Variants in FBXW10 observed in about 807,000 individuals in gnomAD.
FBXW10 encodes the protein F-box and WD repeat domain containing 10, also known as F-box/WD repeat-containing protein 10.
In FBXW10, 68 loss-of-function variants were observed where a neutral mutation model predicts 113.1. The ratio of observed to expected loss-of-function variants is 0.60; its 90% CI spans 0.49 to 0.74. The LOEUF is 0.74. Among genes scored for constraint, FBXW10 ranks in the 30% least tolerant of loss-of-function variants. FBXW10 has a pLI of 0.00. For missense variants in FBXW10, 753 were observed against 1,284.5 expected (o/e 0.59, Z 6.32); for synonymous variants, 289 against 481.6 (o/e 0.60, Z 5.24).
At position 18,766,748 on chromosome 17, in the gene FBXW10, G is replaced by T; in HGVS notation, c.1590G>T (p.Thr530=). The change falls in exon 9 of 14, where the codon ACG becomes ACT. Residue 530 remains threonine, a synonymous_variant. Transcript: ENST00000395665. ...WDVDTGKCLK[T]FRHKDPILAT... ...TAGACACAGGGAAGTGCCTGAAGAC[G>T]TTTAGACACAAAGACCCCATCTTGG... The T allele has an allele frequency of 6.2e-7, 1 of 1,613,570 alleles. No individual in the cohort carries two copies. Among genetic ancestry groups the T allele is most frequent in the Non-Finnish European group, 8.5e-7 (1 of 1,179,644 alleles).
Position 18,748,005 on chromosome 17 carries a change from G to C in FBXW10, c.570G>C (p.Ala190=), listed in dbSNP as rs564583174. 3 of 1,613,738 alleles carry C rather than the reference G, an allele frequency of 1.9e-6. No homozygotes were observed. The East Asian group carries it at 6.7e-5, about 36-fold the overall frequency. ...SPEKDHSSKS[A]TSQVYWTAKT... is the part of the protein sequence containing the mutation. ...AGAAAGACCACAGCTCCAAGTCTGC[G>C]ACCTCACAAGTCTATTGGACAGCCA... The change falls in exon 2 of 14, where the codon GCG becomes GCC. Residue 190 remains alanine, a synonymous_variant. Transcript: ENST00000395665.
chr17:18,766,446 A>G (rs7216988), intron 8 of FBXW10, among the ~76,000 whole-genome samples: 2,244 of 152,224 alleles, frequency 0.015, 61 homozygotes, highest in African/African-American at 0.05. Context: ...TTGGGCCTCA[A>G]GGCTAAGTTC....
chr17:18,759,693 A>G (rs1415937017), intron 7 of FBXW10, among the ~76,000 whole-genome samples: 8 of 152,078 alleles, frequency 5.3e-5, no homozygotes, highest in African/African-American at 1.7e-4. Flanking sequence ...GCTCACTGCA[A>G]GCTCCACCTC....
chr17:18,746,175 T>G (rs71367484), intron 1 of FBXW10, among the ~76,000 whole-genome samples: 1 of 152,202 alleles, frequency 6.6e-6, no homozygotes, highest in Non-Finnish European at 1.5e-5. Context: ...GGCACCAAGC[T>G]ATTCATGAGG....
At chr17:18,752,712 C>CA (rs113012809) in intron 5 of FBXW10, among the ~76,000 whole-genome samples, 5,808 of 90,956 alleles carry the variant, frequency 0.064, 368 homozygotes, top group African/African-American at 0.19. Context: ...GATTCCATCT[C>CA]AAAAAAAAAA....
intron 7 of FBXW10, among the ~76,000 whole-genome samples, chr17:18,762,866 A>C (rs945665001): frequency 6.7e-6 from 1 of 149,194 alleles, no homozygotes; most frequent in African/African-American, 2.5e-5. Flanking sequence ...TTTTTCTAAA[A>C]GTATTTATCA....
At position 18,763,158 on chromosome 17, in the gene FBXW10, AT is replaced by A. The variant is rs1157017619; in HGVS notation, c.1434-1568del. Among the ~76,000 whole-genome samples, 1,014 of 142,816 alleles carry A rather than the reference AT, an allele frequency of 7.1e-3. 6 individuals are homozygous for A. The highest frequency in any genetic ancestry group is 0.017 in the African/African-American group (672 of 39,198). The allele number at this position is 142,816 out of a possible 152,430, so 93.7% of individuals were successfully genotyped here. On this transcript the variant is annotated intron_variant, in intron 7 of 13. Coordinates refer to ENST00000395665, the MANE Select transcript of FBXW10 (RefSeq NM_001267585.2). Reference sequence around the variant, plus strand: ...ACAATAACTCTGTGAAGTAAGTACAATTTTTTTTTTTTTTTTGAGACAGAGT... The same window carrying A: ...ACAATAACTCTGTGAAGTAAGTACAATTTTTTTTTTTTTTTGAGACAGAGT...
At chr17:18,768,870 C>T (rs2035554948) in intron 10 of FBXW10, among the ~76,000 whole-genome samples, 194 bp downstream of exon 10, 1 of 151,642 alleles carries the variant, frequency 6.6e-6, no homozygotes, top group Non-Finnish European at 1.5e-5. Flanking sequence ...CTGTTAACCT[C>T]TTCTACTCTC....
chr17:18,767,416 G>A (rs1324992273), intron 9 of FBXW10, among the ~76,000 whole-genome samples: 3 of 147,530 alleles, frequency 2.0e-5, no homozygotes, highest in South Asian at 2.1e-4. Context: ...GGAGGCAGAC[G>A]TTGCAGTGAG....
At chr17:18,747,741 G>A (rs553984918) in intron 1 of FBXW10, among the ~76,000 whole-genome samples, 200 bp from the exon 2 acceptor site, 6 of 152,092 alleles carry the variant, frequency 3.9e-5, no homozygotes, top group South Asian at 2.1e-4. Flanking sequence ...CAATGGGGGC[G>A]TGCTGAAAAG....
In FBXW10 at chr17:18,778,506, A is replaced by G. The variant is rs377326035; in HGVS notation, c.2367A>G (p.Gly789=). The change falls in exon 14 of 14, where the codon GGA becomes GGG. Residue 789 remains glycine (G), a synonymous_variant. Coordinates refer to ENST00000395665, the MANE Select transcript of FBXW10 (RefSeq NM_001267585.2). ...ATGTGGAGAAAGCACAAAAACAAGG[A>G]CAATTGGAAACTCCTGGAAAACTGC... The part of the protein sequence containing the change: ...ADDVEKAQKQ[G]QLETPGKLPS... 2.9e-5 allele frequency: 46 copies of G among 1,613,582 alleles called. No individual in the cohort carries two copies. Among genetic ancestry groups the G allele is most frequent in the African/African-American group, 2.1e-4 (16 of 75,020 alleles).
At chr17:18,757,171 A>T (rs1041686916) in intron 6 of FBXW10, among the ~76,000 whole-genome samples, 10 of 152,194 alleles carry the variant, frequency 6.6e-5, no homozygotes, top group African/African-American at 2.2e-4. Flanking sequence ...TTAAAGAACA[A>T]TTATCACCAT....
At chr17:18,765,818 C>T (rs1234159474) in intron 8 of FBXW10, among the ~76,000 whole-genome samples, 3 of 152,048 alleles carry the variant, frequency 2.0e-5, no homozygotes, top group Non-Finnish European at 4.4e-5. Context: ...CCTCTGCCTC[C>T]CGGGTTCAAG....
intron 1 of FBXW10, among the ~76,000 whole-genome samples, chr17:18,747,523 T>C (rs2035060985): frequency 6.6e-6 from 1 of 151,944 alleles, no homozygotes; most frequent in Non-Finnish European, 1.5e-5. Flanking sequence ...GCCATTGCAC[T>C]CCACCCTGGG....
At position 18,772,641 on chromosome 17, in the gene FBXW10, CCCAAGTCCCGAGTACTCCTGAAGCCGG is replaced by C. The variant is rs1168334929; in HGVS notation, c.2243_2269del (p.Ser748_Lys756del). The C allele has an allele frequency of 6.2e-7, 1 of 1,614,004 alleles. No individual in the cohort carries two copies. Among genetic ancestry groups the C allele is most frequent in the South Asian group, 1.1e-5 (1 of 91,046 alleles). On this transcript the variant is annotated inframe_deletion, in exon 12 of 14. Transcript: ENST00000395665. ...CCAAGAGCTCCTACCAGGCAAACCT[CCCAAGTCCCGAGTACTCCTGAAGCCGG>C]CCAAGTTCTCTTCAGGTAAAAAACT...
chr17:18,772,912 TTTTCTTTC>T (rs200312304), intron 12 of FBXW10, among the ~76,000 whole-genome samples: 5 of 151,466 alleles, frequency 3.3e-5, no homozygotes, highest in African/African-American at 4.8e-5. Flanking sequence ...AAAAGCTAGA[TTTTCTTTC>T]TTTCTTTCTT....
intron 1 of FBXW10, 121 bp from the exon 2 acceptor site, chr17:18,747,820 C>T: frequency 7.0e-7 from 1 of 1,438,272 alleles, no homozygotes; most frequent in South Asian, 1.5e-5. Flanking sequence ...GACATAACTG[C>T]TCTGGTCCAT....
intron 13 of FBXW10, among the ~76,000 whole-genome samples, chr17:18,776,609 G>A (rs1304803572): frequency 1.3e-5 from 2 of 152,176 alleles, no homozygotes; most frequent in Admixed American, 6.5e-5. Flanking sequence ...CTAAGCCAAA[G>A]GATAAGTGCA....
At chr17:18,772,374 C>T (rs1164761895) in intron 11 of FBXW10, 38 bp from the exon 12 acceptor site, 2 of 1,593,580 alleles carry the variant, frequency 1.3e-6, no homozygotes, top group Non-Finnish European at 1.7e-6. Flanking sequence ...GTGGCCTCCA[C>T]AGTCCTTTTG....
Sources: allele counts gnomAD v4.1 joint callset (sites outside exome capture counted in the v4.1 genomes callset), GRCh38; gene constraint gnomAD v4.1.1; transcripts MANE v1.5; gene names NCBI Gene and HGNC (gene_info 2026-07-23, HGNC 2026-07-21).